The following EPRS1 variants were observed in gnomAD, a reference collection of about 807,000 sequenced individuals.
EPRS1 encodes the protein glutamyl-prolyl-tRNA synthetase 1.
In EPRS1, 107 loss-of-function variants were observed where a neutral mutation model predicts 188.3. The ratio of observed to expected loss-of-function variants is 0.57; its 90% CI spans 0.49 to 0.67. EPRS1 has a LOEUF of 0.67. Among genes scored for constraint, EPRS1 ranks in the 30% least tolerant of loss-of-function variants. The pLI, the probability that EPRS1 is intolerant of heterozygous loss-of-function variation, is 0.00. For synonymous variants in EPRS1, 596 were observed against 593.1 expected (o/e 1.00, Z -0.07); for missense variants, 1,577 against 1,802.2 (o/e 0.88, Z 2.26).
chr1:219,983,169 A>T lies in EPRS1; in HGVS notation c.3300+20T>A, dbSNP rs763206377. On this transcript the variant is annotated intron_variant, in intron 22 of 31. Transcript: ENST00000366923. The stretch of plus-strand genomic sequence containing the variant: ...TTTGTCAGAGAACATTGCAAAAAAT[A>T]AAAAAGCAAGCTCACTTACCTCTGG... The T allele has an allele frequency of 1.3e-6, 2 of 1,575,832 alleles. No individual in the cohort carries two copies. Among genetic ancestry groups the T allele is most frequent in the Admixed American group, 1.9e-5 (1 of 52,920 alleles).
At chr1:219,978,177 C>T (rs1273847082) in intron 28 of EPRS1, among the ~76,000 whole-genome samples, 1 of 152,134 alleles carries the variant, frequency 6.6e-6, no homozygotes, top group Non-Finnish European at 1.5e-5. Context: ...ATAACAAACA[C>T]AGCTAAGTGA....
At chr1:219,998,065 T>A (rs1661270949) in intron 17 of EPRS1, among the ~76,000 whole-genome samples, 1 of 152,218 alleles carries the variant, frequency 6.6e-6, no homozygotes, top group Admixed American at 6.5e-5. Context: ...CTGCCTAGAC[T>A]GCATTCTTCC....
rs866278389 is a variant in EPRS1, at chr1:220,018,829, T to A, written c.1434+166A>T. Among the ~76,000 whole-genome samples the A allele has an allele frequency of 5.9e-5, 8 of 136,188 alleles. No homozygotes were observed. In the South Asian group the frequency reaches 7.0e-4, roughly 12 times the overall value. The allele number at this position is 136,188 out of a possible 152,430, so 89.3% of individuals were successfully genotyped here. Reference sequence around the variant, plus strand: ...CACTATTATAAGCAGTGATAAACTTTAAAAAAAAAAAAGTTTGTTTTAAAA... The same window carrying A: ...CACTATTATAAGCAGTGATAAACTTAAAAAAAAAAAAAGTTTGTTTTAAAA... On this transcript the variant is annotated intron_variant, in intron 11 of 31. Coordinates refer to ENST00000366923, the MANE Select transcript of EPRS1 (RefSeq NM_004446.3).
chr1:219,979,565 G>C lies in EPRS1; in HGVS notation c.3762C>G (p.Ile1254Met), dbSNP rs537386099. The C allele has an allele frequency of 6.2e-6, 10 of 1,613,848 alleles. No individual in the cohort carries two copies. In the South Asian group the frequency reaches 1.1e-4, roughly 18 times the overall value. ...LGQNFSKMFEIVFEDPKIPGE... is the reference protein window; with the variant it reads ...LGQNFSKMFEMVFEDPKIPGE... ...CTGGTATCTTTGGATCTTCAAAAAC[G>C]ATTTCAAACATTTTGGAAAAATTCT... is the stretch of plus-strand genomic sequence containing the variant. The change falls in exon 27 of 32, where the codon ATC (isoleucine) becomes ATG (methionine). Residue 1254 changes from isoleucine to methionine, a missense_variant. Ile to Met is a conservative substitution (Grantham distance 10, BLOSUM62 1). This residue lies in a region of EPRS1 where 296 missense variants were observed against 327.9 expected (regional missense o/e 0.90). Coordinates refer to ENST00000366923, the MANE Select transcript of EPRS1 (RefSeq NM_004446.3).
chr1:220,032,605 T>A, intron 4 of EPRS1, 79 bp from the exon 5 acceptor site: 2 of 1,327,410 alleles, frequency 1.5e-6, no homozygotes, highest in Non-Finnish European at 2.1e-6. Flanking sequence ...CTAATTGAAG[T>A]AATTGAGATG....
chr1:219,988,514 G>A, intron 19 of EPRS1, 76 bp downstream of exon 19: 3 of 935,644 alleles, frequency 3.2e-6, no homozygotes, highest in Admixed American at 4.5e-5. Flanking sequence ...ATTTGATGGG[G>A]CACAAAACAC....
intron 12 of EPRS1, among the ~76,000 whole-genome samples, chr1:220,012,407 C>T (rs1252905666): frequency 6.6e-6 from 1 of 152,190 alleles, no homozygotes; most frequent in East Asian, 1.9e-4. Flanking sequence ...TAGTTCATTG[C>T]AGCTGTTTCC....
chr1:220,043,986 G>A (rs970889288), intron 1 of EPRS1, among the ~76,000 whole-genome samples: 2 of 152,156 alleles, frequency 1.3e-5, no homozygotes, highest in African/African-American at 4.8e-5. Context: ...TGTATTTCCT[G>A]ATTTGGGTGC....
chr1:220,040,262 C>T lies in EPRS1; in HGVS notation c.54G>A (p.Leu18=), dbSNP rs1558063529. ...VNSGDPPLGA[L]LAVEHVKDDV... ...CGTCTTTCACGTGTTCTACTGCCAG[C>T]AAAGCTCCTATAAATAATATGAAAA... The change falls in exon 2 of 32, where the codon TTG becomes TTA. Residue 18 remains leucine, a synonymous_variant. Transcript: ENST00000366923. The T allele has an allele frequency of 6.3e-7, 1 of 1,597,292 alleles. No individual in the cohort carries two copies. Among genetic ancestry groups the T allele is most frequent in the Admixed American group, 1.7e-5 (1 of 59,434 alleles).
At chr1:220,010,006 G>C (rs1042182378) in intron 13 of EPRS1, among the ~76,000 whole-genome samples, 1 of 140,616 alleles carries the variant, frequency 7.1e-6, no homozygotes, top group Non-Finnish European at 1.5e-5. Flanking sequence ...TAAGGCATGA[G>C]AATCACTTGA....
chr1:220,032,371 A>C lies in EPRS1; in HGVS notation c.528+16T>G, dbSNP rs74836610. 1 of 1,566,384 alleles carries C rather than the reference A, an allele frequency of 6.4e-7. No individual in the cohort carries two copies. Among genetic ancestry groups the C allele is most frequent in the Non-Finnish European group, 8.6e-7 (1 of 1,164,678 alleles). On this transcript the variant is annotated intron_variant, in intron 5 of 31. Coordinates refer to ENST00000366923, the MANE Select transcript of EPRS1 (RefSeq NM_004446.3). ...AAAGTGTTTTTTTTTTTAAAAAAAA[A>C]GAAAAAAAGGCTTACCACTCGAGCT... is the stretch of plus-strand genomic sequence containing the variant.
intron 8 of EPRS1, among the ~76,000 whole-genome samples, 155 bp from the exon 9 acceptor site, chr1:220,022,673 G>C (rs1418087192): frequency 6.6e-6 from 1 of 152,176 alleles, no homozygotes; most frequent in Non-Finnish European, 1.5e-5. Flanking sequence ...CCAGTACCAA[G>C]AGCAAATGCG....
intron 2 of EPRS1, 133 bp downstream of exon 2, chr1:220,040,052 G>C: frequency 1.7e-6 from 1 of 601,744 alleles, no homozygotes; most frequent in Non-Finnish European, 3.0e-6. Flanking sequence ...AGGATCCTGA[G>C]TCCACGAGTT....
At position 220,034,954 on chromosome 1, in the gene EPRS1, G is replaced by A. The variant is rs1218716536; in HGVS notation, c.191C>T (p.Thr64Ile). ...ILRYLARVAT[T>I]AGLYGSNLME... is the part of the protein sequence containing the mutation. ...CAGATTAGAGCCATATAACCCAGCT[G>A]TAGTTGCAACTCTAGCCAAGTAGCG... The change falls in exon 3 of 32, where the codon ACA becomes ATA. Residue 64 changes from threonine to isoleucine, a missense_variant. This residue lies in a region of EPRS1 where 1,278 missense variants were observed against 1,457.4 expected (regional missense o/e 0.88). Coordinates refer to ENST00000366923, the MANE Select transcript of EPRS1 (RefSeq NM_004446.3). The A allele has an allele frequency of 1.9e-6, 3 of 1,604,650 alleles. No homozygotes were observed. The highest frequency in any genetic ancestry group is 4.5e-5 in the East Asian group (2 of 44,740).
chr1:220,046,317 A>G (rs1484056680), intron 1 of EPRS1, 26 bp downstream of exon 1: 1 of 1,613,866 alleles, frequency 6.2e-7, no homozygotes, highest in South Asian at 1.1e-5. Flanking sequence ...TGCAACCCAC[A>G]CAGGTCATTG....
chr1:220,033,843 T>C (rs1662128607), intron 3 of EPRS1, among the ~76,000 whole-genome samples, 185 bp from the exon 4 acceptor site: 1 of 151,048 alleles, frequency 6.6e-6, no homozygotes, highest in Non-Finnish European at 1.5e-5. Context: ...AAATAGAACT[T>C]AAATAAATGC....
At chr1:220,025,058 C>CTA (rs770514916) in intron 7 of EPRS1, 74 bp downstream of exon 7, 10 of 1,397,788 alleles carry the variant, frequency 7.2e-6, no homozygotes, top group Non-Finnish European at 1.0e-5. Context: ...ATTTTCATAC[C>CTA]ATGAAGGTAT....
At chr1:220,041,565 G>GC (rs771248279) in intron 1 of EPRS1, among the ~76,000 whole-genome samples, 21 of 151,782 alleles carry the variant, frequency 1.4e-4, no homozygotes, top group Non-Finnish European at 2.5e-4. Flanking sequence ...GACAGGCCAG[G>GC]CGCAGTGGTT....
Position 219,971,020 on chromosome 1 carries a change from A to G in EPRS1, c.4323+1049T>C, listed in dbSNP as rs572190920. Among the ~76,000 whole-genome samples the G allele has an allele frequency of 1.8e-4, 28 of 152,296 alleles. No individual in the cohort carries two copies. The East Asian group carries it at 4.6e-3, about 25-fold the overall frequency. ...GACATATTAATACGTTATGACCATAAAAATTAAAGCTTTACATAAATTCAT... is the reference window on the plus strand; with the variant it reads ...GACATATTAATACGTTATGACCATAGAAATTAAAGCTTTACATAAATTCAT... On this transcript the variant is annotated intron_variant, in intron 30 of 31. Coordinates refer to ENST00000366923, the MANE Select transcript of EPRS1 (RefSeq NM_004446.3).
Sources: allele counts gnomAD v4.1 joint callset (sites outside exome capture counted in the v4.1 genomes callset), GRCh38; gene constraint gnomAD v4.1.1; regional missense constraint gnomAD v4.1.1; transcripts MANE v1.5; gene names NCBI Gene and HGNC (gene_info 2026-07-23, HGNC 2026-07-21).